The following LHCGR variants were observed in gnomAD, a reference collection of about 807,000 sequenced individuals.
The protein encoded by LHCGR is lutropin-choriogonadotropic hormone receptor.
In LHCGR, 55 loss-of-function variants were observed where a neutral mutation model predicts 60.7. The observed-to-expected ratio is 0.91, with a 90% CI of 0.73 to 1.13. The LOEUF (loss-of-function observed/expected upper bound fraction) is 1.13. LHCGR is among the 50% of genes most tolerant of loss of function. LHCGR has a pLI of 0.00. For missense variants in LHCGR, 862 were observed against 836.0 expected (o/e 1.03, Z -0.38); for synonymous variants, 337 against 316.5 (o/e 1.06, Z -0.69).
At chr2:48,717,202 T>C (rs1361265407) in intron 6 of LHCGR, among the ~76,000 whole-genome samples, 1 of 152,206 alleles carries the variant, frequency 6.6e-6, no homozygotes, top group Non-Finnish European at 1.5e-5. Context: ...TGCTAACAGT[T>C]GTCTAGATGC....
At position 48,687,746 on chromosome 2, in the gene LHCGR, T is replaced by A; in HGVS notation, c.2051A>T (p.His684Leu). ...SQSTLKLSTL[H>L]CQGTALLDKT... The stretch of plus-strand genomic sequence containing the variant: ...GTCTAGGAGAGCTGTACCTTGACAG[T>A]GCAATGTGGACAACTTCAAGGTGGA... Residue 684 changes from histidine (H) to leucine (L), a missense_variant, in exon 11 of 11, where the codon CAC (histidine) becomes CTC (leucine). Coordinates refer to ENST00000294954, the MANE Select transcript of LHCGR (RefSeq NM_000233.4). 1 of 1,614,150 alleles carries A rather than the reference T, an allele frequency of 6.2e-7. No individual in the cohort carries two copies. Among genetic ancestry groups the A allele is most frequent in the African/African-American group, 1.3e-5 (1 of 75,046 alleles).
At chr2:48,714,691 A>G (rs1057436031) in intron 6 of LHCGR, among the ~76,000 whole-genome samples, 1 of 152,162 alleles carries the variant, frequency 6.6e-6, no homozygotes, top group African/African-American at 2.4e-5. Context: ...TAGGGTATTA[A>G]TGTTTATGAA....
chr2:48,752,358 A>G (rs1012556228), intron 1 of LHCGR, among the ~76,000 whole-genome samples: 1 of 152,162 alleles, frequency 6.6e-6, no homozygotes, highest in Admixed American at 6.5e-5. Flanking sequence ...GCATAAATTA[A>G]CATCTATTGA....
chr2:48,688,867 G>A lies in LHCGR; in HGVS notation c.948-18C>T, dbSNP rs748953250. 6.2e-7 allele frequency: 1 copy of A among 1,611,016 alleles called. No homozygotes were observed. Among genetic ancestry groups the A allele is most frequent in the South Asian group, 1.1e-5 (1 of 90,944 alleles). The stretch of plus-strand genomic sequence containing the variant: ...AAGAATAACTGTAAGAAGAATTATT[G>A]GCTTGAGGTAAGGGATTTTCTCTGA... On this transcript the variant is annotated intron_variant, in intron 10 of 10. Coordinates refer to ENST00000294954, the MANE Select transcript of LHCGR (RefSeq NM_000233.4). The surrounding 1 kb of genome is among the most constrained non-coding windows in gnomAD (Gnocchi z 5.2).
At chr2:48,741,037 G>A (rs1669426866) in intron 1 of LHCGR, among the ~76,000 whole-genome samples, 2 of 152,244 alleles carry the variant, frequency 1.3e-5, no homozygotes, top group African/African-American at 4.8e-5. Flanking sequence ...AGAACTACAT[G>A]AAGAATGCAG....
intron 4 of LHCGR, among the ~76,000 whole-genome samples, chr2:48,724,148 T>G (rs369693677): frequency 6.6e-6 from 1 of 152,242 alleles, no homozygotes; most frequent in African/African-American, 2.4e-5. Context: ...AAATCCATAT[T>G]GCTCATTATT....
rs940125066 is a variant in LHCGR at position 48,729,302 on chromosome 2, G to A, written c.234-75C>T. The A allele has an allele frequency of 4.4e-6, 5 of 1,127,632 alleles. No homozygotes were observed. In the African/African-American group the frequency reaches 7.7e-5, roughly 17 times the overall value. The allele number at this position is 1,127,632 out of a possible 1,614,324, so 69.9% of individuals were successfully genotyped here. On this transcript the variant is annotated intron_variant, in intron 2 of 10. Transcript: ENST00000294954. ...CCGTGTCTGCATGATTATGAGCTAT[G>A]TGTGTGACCCAACAACTGGGGACAC...
chr2:48,688,283 A>C lies in LHCGR; in HGVS notation c.1514T>G (p.Val505Gly), dbSNP rs1195808397. ...SLIAMLPLVG[V>G]SNYMKVSICF... ...AATACTGACCTTCATGTAATTGCTG[A>C]CACCGACAAGGGGCAACATAGCAAT... The change falls in exon 11 of 11, where the codon GTC becomes GGC. Residue 505 changes from valine to glycine, a missense_variant. Transcript: ENST00000294954. This position sits in a 1 kb window ranked among gnomAD's most constrained non-coding sequence, Gnocchi z 5.2. The C allele has an allele frequency of 6.2e-7, 1 of 1,614,188 alleles. No homozygotes were observed. The highest frequency in any genetic ancestry group is 1.1e-5 in the South Asian group (1 of 91,084).
At chr2:48,732,135 G>T (rs138637957) in intron 1 of LHCGR, among the ~76,000 whole-genome samples, 133 of 152,312 alleles carry the variant, frequency 8.7e-4, no homozygotes, top group Non-Finnish European at 1.3e-3. Context: ...GAATGCTAAA[G>T]GAACTGGAGG....
chr2:48,723,713 G>T lies in LHCGR; in HGVS notation c.384-17C>A. 2 of 1,593,072 alleles carry T rather than the reference G, an allele frequency of 1.3e-6. No individual in the cohort carries two copies. The highest frequency in any genetic ancestry group is 2.2e-5 in the East Asian group (1 of 44,754). On this transcript the variant is annotated splice_polypyrimidine_tract_variant and intron_variant, in intron 4 of 10. Coordinates refer to ENST00000294954, the MANE Select transcript of LHCGR (RefSeq NM_000233.4). ...CAGATGCTCCTGTGATTAGGGACAG[G>T]ATAGTGGTGTGGGCAGAGAGTGGGT...
intron 7 of LHCGR, 146 bp downstream of exon 7, chr2:48,713,840 C>G (rs1364361382): frequency 1.4e-6 from 1 of 721,406 alleles, no homozygotes; most frequent in Non-Finnish European, 2.5e-6. Context: ...CAGCCAGTTG[C>G]CTAGTAACAT....
intron 8 of LHCGR, among the ~76,000 whole-genome samples, chr2:48,703,605 C>A (rs1284571600): frequency 6.6e-6 from 1 of 152,100 alleles, no homozygotes; most frequent in African/African-American, 2.4e-5. Flanking sequence ...TCCTTCATAT[C>A]CTTTGTAAGC....
At chr2:48,708,687 A>G in intron 8 of LHCGR, 1 of 574,796 alleles carries the variant, frequency 1.7e-6, no homozygotes, top group South Asian at 2.0e-5. Flanking sequence ...CAGCCCTCAG[A>G]GGGAGCCAAC....
At chr2:48,733,417 C>T (rs1431201990) in intron 1 of LHCGR, among the ~76,000 whole-genome samples, 3 of 152,102 alleles carry the variant, frequency 2.0e-5, no homozygotes, top group Non-Finnish European at 4.4e-5. Flanking sequence ...AAAGGTCGGA[C>T]AGAAGTGCAA....
At chr2:48,738,623 C>T (rs1669302884) in intron 1 of LHCGR, among the ~76,000 whole-genome samples, 1 of 152,128 alleles carries the variant, frequency 6.6e-6, no homozygotes, top group South Asian at 2.1e-4. Context: ...CTCATGTAAC[C>T]AATACACTAG....
intron 3 of LHCGR, among the ~76,000 whole-genome samples, chr2:48,727,635 C>T (rs996813338): frequency 2.0e-5 from 3 of 152,298 alleles, no homozygotes; most frequent in East Asian, 1.9e-4. Flanking sequence ...ATAGGACTGT[C>T]GTCTGTAATT....
chr2:48,693,323 C>T (rs1666952797), intron 10 of LHCGR, among the ~76,000 whole-genome samples: 5 of 152,110 alleles, frequency 3.3e-5, no homozygotes. Flanking sequence ...TTCTGCTGTT[C>T]CTTACAGATG....
intron 7 of LHCGR, among the ~76,000 whole-genome samples, chr2:48,709,834 C>T (rs1288204100): frequency 2.6e-5 from 4 of 152,206 alleles, no homozygotes; most frequent in African/African-American, 7.2e-5. Context: ...TCTCTAAGCA[C>T]AGGCCCTTCT....
chr2:48,755,440 G>C, intron 1 of LHCGR, 71 bp downstream of exon 1: 1 of 956,576 alleles, frequency 1.0e-6, no homozygotes, highest in Non-Finnish European at 1.6e-6. Flanking sequence ...AAGGAGTAGG[G>C]AGGGAAGGTG....
Sources: allele counts gnomAD v4.1 joint callset (sites outside exome capture counted in the v4.1 genomes callset), GRCh38; gene constraint gnomAD v4.1.1; non-coding constraint Gnocchi (gnomAD v3.1); transcripts MANE v1.5; gene names NCBI Gene and HGNC (gene_info 2026-07-23, HGNC 2026-07-21).